Variants in SLC24A2 observed in about 807,000 individuals in gnomAD.
The protein encoded by SLC24A2 is sodium/potassium/calcium exchanger 2.
A neutral mutation model predicts 62.0 loss-of-function variants in SLC24A2; 36 were observed. The observed-to-expected ratio is 0.58, with a 90% CI of 0.44 to 0.77. SLC24A2 has a LOEUF of 0.77. Ranked by LOEUF, SLC24A2 falls within the 30% of genes least tolerant of loss-of-function variation. SLC24A2 has a pLI of 0.00. For missense variants in SLC24A2, 846 were observed against 817.9 expected, an observed-to-expected ratio of 1.03 and a Z score of -0.42; for synonymous variants, 358 against 294.0, an observed-to-expected ratio of 1.22 and a Z score of -2.23.
At chr9:20,033,466 G>C in the SLC24A2 span, among the ~76,000 whole-genome samples, 2 of 140,968 alleles carry the variant, frequency 1.4e-5, no homozygotes, top group Non-Finnish European at 3.1e-5. Flanking sequence ...AGAAATGTTT[G>C]TGACTCCCTT....
At chr9:19,544,970 C>T (rs961828628) in intron 8 of SLC24A2, among the ~76,000 whole-genome samples, 5 of 152,106 alleles carry the variant, frequency 3.3e-5, no homozygotes, top group Non-Finnish European at 5.9e-5. Flanking sequence ...TGAACGTTGG[C>T]CTGTCTTGCT....
the SLC24A2 span, among the ~76,000 whole-genome samples, chr9:20,017,453 T>A: frequency 2.0e-5 from 3 of 152,166 alleles, no homozygotes; most frequent in Non-Finnish European, 4.4e-5. Flanking sequence ...TTAGAAAGCA[T>A]GTTTAGAGTG....
chr9:20,300,253 T>G, the SLC24A2 span, among the ~76,000 whole-genome samples: 2 of 152,224 alleles, frequency 1.3e-5, no homozygotes, highest in Non-Finnish European at 2.9e-5. Flanking sequence ...ATTTATCCTT[T>G]GTGTTAAAAA....
chr9:20,012,044 A>G, the SLC24A2 span, among the ~76,000 whole-genome samples: 6 of 152,214 alleles, frequency 3.9e-5, no homozygotes, highest in Non-Finnish European at 7.4e-5. Flanking sequence ...CTCAACATAA[A>G]CAATAAAAGC....
the SLC24A2 span, among the ~76,000 whole-genome samples, chr9:19,901,408 C>T: frequency 1.3e-5 from 2 of 152,070 alleles, no homozygotes; most frequent in African/African-American, 4.8e-5. Flanking sequence ...AGGGTTACAG[C>T]CTGTAAATAT....
intron 8 of SLC24A2, among the ~76,000 whole-genome samples, chr9:19,545,286 TA>T (rs1278385650): frequency 6.6e-6 from 1 of 152,100 alleles, no homozygotes; most frequent in East Asian, 1.9e-4. Flanking sequence ...TCAGGTCATT[TA>T]TGTTCTTCTC....
At chr9:19,607,867 C>G (rs1213166605) in intron 4 of SLC24A2, among the ~76,000 whole-genome samples, 2 of 152,148 alleles carry the variant, frequency 1.3e-5, no homozygotes, top group East Asian at 3.8e-4. Context: ...AATTCACATT[C>G]CCTTATGGCT....
intron 2 of SLC24A2, among the ~76,000 whole-genome samples, chr9:19,649,817 A>T (rs1346325837): frequency 1.3e-5 from 2 of 152,216 alleles, no homozygotes; most frequent in South Asian, 2.1e-4. Context: ...GTTATCTTGG[A>T]TCTAACTCCA....
the SLC24A2 span, among the ~76,000 whole-genome samples, chr9:19,837,180 CG>C: frequency 6.6e-6 from 1 of 151,932 alleles, no homozygotes; most frequent in Admixed American, 6.6e-5. Flanking sequence ...GGGCCGGGTG[CG>C]GTGGCTCACG....
At chr9:19,983,669 T>G in the SLC24A2 span, among the ~76,000 whole-genome samples, 1 of 151,974 alleles carries the variant, frequency 6.6e-6, no homozygotes, top group Non-Finnish European at 1.5e-5. Flanking sequence ...ATGTTTTATT[T>G]TTTCATCCAC....
the SLC24A2 span, among the ~76,000 whole-genome samples, chr9:20,277,256 G>C: frequency 2.6e-5 from 4 of 152,288 alleles, no homozygotes; most frequent in Non-Finnish European, 4.4e-5. Context: ...TAAATAAAGA[G>C]CTTCTGCACA....
the SLC24A2 span, among the ~76,000 whole-genome samples, chr9:20,250,451 C>T: frequency 6.6e-6 from 1 of 152,158 alleles, no homozygotes; most frequent in Non-Finnish European, 1.5e-5. Flanking sequence ...TTAATAGATC[C>T]CTTCAGGAGC....
the SLC24A2 span, among the ~76,000 whole-genome samples, chr9:20,299,965 A>G: frequency 6.6e-6 from 1 of 152,248 alleles, no homozygotes. Flanking sequence ...GGAAATGTCT[A>G]TCAATTGGAC....
the SLC24A2 span, among the ~76,000 whole-genome samples, chr9:20,050,646 G>A: frequency 6.6e-6 from 1 of 152,176 alleles, no homozygotes; most frequent in Non-Finnish European, 1.5e-5. Flanking sequence ...TTATAAAGAT[G>A]TATCAACTCT....
chr9:19,588,661 T>C (rs895569592), intron 5 of SLC24A2, among the ~76,000 whole-genome samples: 1 of 152,178 alleles, frequency 6.6e-6, no homozygotes, highest in Non-Finnish European at 1.5e-5. Flanking sequence ...AAAGGACTTA[T>C]TTAAATTTGC....
chr9:20,145,573 A>T, the SLC24A2 span, among the ~76,000 whole-genome samples: 18 of 151,724 alleles, frequency 1.2e-4, no homozygotes, highest in African/African-American at 4.1e-4. Flanking sequence ...AAAAAAAAGT[A>T]AATTGCTCCT....
At chr9:19,595,379 G>C (rs1836678366) in intron 5 of SLC24A2, among the ~76,000 whole-genome samples, 1 of 152,150 alleles carries the variant, frequency 6.6e-6, no homozygotes, top group African/African-American at 2.4e-5. Context: ...ACCCATCACT[G>C]TAATGGGGAT....
chr9:19,556,049 C>CT (rs1835073571), intron 7 of SLC24A2, among the ~76,000 whole-genome samples: 1 of 152,176 alleles, frequency 6.6e-6, no homozygotes. Context: ...ACATTGAAAT[C>CT]TGGAGGCTCG....
chr9:20,181,594 G>A, the SLC24A2 span, among the ~76,000 whole-genome samples: 3 of 152,202 alleles, frequency 2.0e-5, no homozygotes, highest in Non-Finnish European at 4.4e-5. Flanking sequence ...GTAGAAAGCT[G>A]ACACTGGATC....
Sources: allele counts gnomAD v4.1 joint callset (sites outside exome capture counted in the v4.1 genomes callset), GRCh38; gene constraint gnomAD v4.1.1; transcripts MANE v1.5; gene names NCBI Gene and HGNC (gene_info 2026-07-23, HGNC 2026-07-21).